The following TMEM41B variants were observed in gnomAD, a reference collection of about 807,000 sequenced individuals.
TMEM41B encodes the protein protein stasimon.
A neutral mutation model predicts 31.9 loss-of-function variants in TMEM41B; 18 were observed. The observed-to-expected ratio is 0.56, with a 90% CI of 0.39 to 0.84. TMEM41B has a LOEUF of 0.84. Among genes scored for constraint, TMEM41B ranks in the 40% least tolerant of loss-of-function variants. The pLI is 0.00. For missense variants in TMEM41B, 322 were observed against 348.0 expected (o/e 0.93, Z 0.59); for synonymous variants, 144 against 124.3 (o/e 1.16, Z -1.05).
At chr11:9,294,192 A>T in intron 3 of TMEM41B, among the ~76,000 whole-genome samples, 1 of 13,748 alleles carries the variant, frequency 7.3e-5, no homozygotes. Flanking sequence ...AAAAAAAAAA[A>T]AAAAAAAAAA....
intron 2 of TMEM41B, 141 bp from the exon 3 acceptor site, chr11:9,295,528 G>T: frequency 1.7e-6 from 1 of 591,024 alleles, no homozygotes; most frequent in Non-Finnish European, 2.9e-6. Context: ...AAGTTTAAAA[G>T]TTTATAATTT....
At chr11:9,285,362 C>T (rs938318896) in intron 6 of TMEM41B, among the ~76,000 whole-genome samples, 7 of 152,162 alleles carry the variant, frequency 4.6e-5, no homozygotes, top group South Asian at 2.1e-4. Context: ...GGATTATAGG[C>T]GTGAACCACC....
At chr11:9,301,119 G>A (rs549062691) in intron 1 of TMEM41B, among the ~76,000 whole-genome samples, 12 of 152,116 alleles carry the variant, frequency 7.9e-5, no homozygotes, top group Non-Finnish European at 1.3e-4. Flanking sequence ...TATATGGCCC[G>A]GCATGATGGC....
chr11:9,296,058 T>C (rs532375328), intron 2 of TMEM41B, among the ~76,000 whole-genome samples: 2 of 149,662 alleles, frequency 1.3e-5, no homozygotes, highest in South Asian at 4.3e-4. Context: ...GGTTTCACCA[T>C]GTTGGCCAGG....
At chr11:9,287,605 G>A in intron 5 of TMEM41B, 97 bp downstream of exon 5, 2 of 721,348 alleles carry the variant, frequency 2.8e-6, no homozygotes, top group Non-Finnish European at 2.2e-6. Flanking sequence ...ATTAATTTAT[G>A]TTGGGTTAAT....
chr11:9,291,526 C>T (rs970114043), intron 3 of TMEM41B, among the ~76,000 whole-genome samples: 14 of 151,746 alleles, frequency 9.2e-5, no homozygotes, highest in African/African-American at 2.2e-4. Flanking sequence ...CTCAGCCTCC[C>T]GAGTAGCTTG....
intron 2 of TMEM41B, among the ~76,000 whole-genome samples, chr11:9,299,345 CGT>C (rs1564964557): frequency 3.2e-4 from 46 of 144,152 alleles, no homozygotes; most frequent in South Asian, 8.8e-4. Context: ...CACACACACA[CGT>C]GTGTGTATAT....
chr11:9,311,596 T>C (rs773918933), intron 1 of TMEM41B: 127 of 1,045,278 alleles, frequency 1.2e-4, no homozygotes, highest in Middle Eastern at 3.1e-4. Context: ...GGTGGGTTGA[T>C]AGGTGGTGAG....
chr11:9,314,169 A>C, intron 1 of TMEM41B, 152 bp downstream of exon 1: 1 of 1,022,142 alleles, frequency 9.8e-7, no homozygotes, highest in African/African-American at 1.7e-5. Flanking sequence ...CGAGCGCCCA[A>C]GCCCAACTCC....
At chr11:9,311,187 A>C in intron 1 of TMEM41B, 1 of 1,362,692 alleles carries the variant, frequency 7.3e-7, no homozygotes, top group Non-Finnish European at 9.8e-7. Flanking sequence ...TGGGGAGCAC[A>C]AGGGCTACTT....
chr11:9,284,842 A>T (rs1395587205), intron 6 of TMEM41B, among the ~76,000 whole-genome samples: 1 of 152,148 alleles, frequency 6.6e-6, no homozygotes, highest in East Asian at 1.9e-4. Context: ...GAGTAAAGAG[A>T]GCAGTGTATA....
At chr11:9,300,018 C>T (rs1366770491) in intron 1 of TMEM41B, among the ~76,000 whole-genome samples, 1 of 152,084 alleles carries the variant, frequency 6.6e-6, no homozygotes, top group Non-Finnish European at 1.5e-5. Context: ...ATTCGGGAGG[C>T]TGAGGCAGGA....
In TMEM41B at chr11:9,283,575, AAAG is replaced by A. The variant is rs1312701218; in HGVS notation, c.722_724del (p.Ser241del). On this transcript the variant is annotated inframe_deletion, in exon 7 of 7. Coordinates refer to ENST00000528080, the MANE Select transcript of TMEM41B (RefSeq NM_015012.4). ...TGTTGTTCCTGCCTTAATGGCTACA[AAAG>A]AAGGAGGTGCGACACCTGAAATAAA... 10 of 1,605,458 alleles carry A rather than the reference AAAG, an allele frequency of 6.2e-6. No homozygotes were observed. Among genetic ancestry groups the A allele is most frequent in the Non-Finnish European group, 7.6e-6 (9 of 1,178,062 alleles).
At chr11:9,295,825 C>T (rs1413292610) in intron 2 of TMEM41B, among the ~76,000 whole-genome samples, 4 of 145,634 alleles carry the variant, frequency 2.7e-5, no homozygotes, top group Non-Finnish European at 6.0e-5. Context: ...TGAGCAACCG[C>T]ACCTGGCCTA....
At position 9,283,113 on chromosome 11, in the gene TMEM41B, G is replaced by C. The variant is rs1852759006; in HGVS notation, c.*311C>G. 1 of 175,788 alleles carries C rather than the reference G, an allele frequency of 5.7e-6. No individual in the cohort carries two copies. Among genetic ancestry groups the C allele is most frequent in the African/African-American group, 2.4e-5 (1 of 42,386 alleles). 10.9% of individuals were successfully genotyped at this position (175,788 alleles called of 1,614,324 possible). On this transcript the variant is annotated 3_prime_UTR_variant, in exon 7 of 7. Coordinates refer to ENST00000528080, the MANE Select transcript of TMEM41B (RefSeq NM_015012.4). The stretch of plus-strand genomic sequence containing the variant: ...AAGATAAAAAATATTCAATTAAATT[G>C]AATGAATTAGCTGGATCAACAATTT...
Position 9,314,565 on chromosome 11 carries a change from C to T in TMEM41B, c.-124G>A. 4 of 1,357,946 alleles carry T rather than the reference C, an allele frequency of 2.9e-6. No individual in the cohort carries two copies. The highest frequency in any genetic ancestry group is 3.9e-6 in the Non-Finnish European group (4 of 1,024,854). The allele number at this position is 1,357,946 out of a possible 1,614,324, so 84.1% of individuals were successfully genotyped here. A position where few individuals can be genotyped will look rare whatever the true frequency, so the allele number is the denominator to read the frequency against. ...CCACTTCCGGCGCGACCTCCTCACC[C>T]GAGACGACCTCAGCCCAGCGAGTAC... On this transcript the variant is annotated 5_prime_UTR_variant, in exon 1 of 7. Transcript: ENST00000528080.
chr11:9,306,954 A>T (rs929243928), intron 1 of TMEM41B, among the ~76,000 whole-genome samples: 1 of 152,136 alleles, frequency 6.6e-6, no homozygotes, highest in Non-Finnish European at 1.5e-5. Flanking sequence ...TCATCTTATC[A>T]TTAAATGTCA....
At chr11:9,303,675 A>T (rs1853311836) in intron 1 of TMEM41B, among the ~76,000 whole-genome samples, 1 of 117,458 alleles carries the variant, frequency 8.5e-6, no homozygotes, top group African/African-American at 3.3e-5. Flanking sequence ...TTTTTTTGAG[A>T]CAGAGTCTTG....
Position 9,287,730 on chromosome 11 carries a change from G to T in TMEM41B, c.539C>A (p.Thr180Lys), listed in dbSNP as rs1402986931. The change falls in exon 5 of 7, where the codon ACA becomes AAA. Residue 180 changes from threonine (T) to lysine (K), a missense_variant. This residue lies in a region of TMEM41B where 47 missense variants were observed against 84.8 expected (regional missense o/e 0.55). Coordinates refer to ENST00000528080, the MANE Select transcript of TMEM41B (RefSeq NM_015012.4). ...CTGTGACCATTTTACTGCTTTCTCTGTTAGGTATTTGTATACAACTGGTCT... is the reference window on the plus strand; with the variant it reads ...CTGTGACCATTTTACTGCTTTCTCTTTTAGGTATTTGTATACAACTGGTCT... ...VGRPVVYKYL[T>K]EKAVKWSQQV... is the part of the protein sequence containing the mutation. 2 of 1,612,800 alleles carry T rather than the reference G, an allele frequency of 1.2e-6. No homozygotes were observed. Among genetic ancestry groups the T allele is most frequent in the East Asian group, 4.5e-5 (2 of 44,848 alleles).
Sources: allele counts gnomAD v4.1 joint callset (sites outside exome capture counted in the v4.1 genomes callset), GRCh38; gene constraint gnomAD v4.1.1; regional missense constraint gnomAD v4.1.1; transcripts MANE v1.5; gene names NCBI Gene and HGNC (gene_info 2026-07-23, HGNC 2026-07-21).